Variants in CSMD1 observed in about 807,000 individuals in gnomAD.
CSMD1 encodes the protein CUB and sushi domain-containing protein 1.
A neutral mutation model predicts 417.5 loss-of-function variants in CSMD1; 213 were observed. The ratio of observed to expected loss-of-function variants is 0.51; its 90% CI spans 0.46 to 0.57. CSMD1 has a LOEUF of 0.57. Ranked by LOEUF, CSMD1 falls within the 20% of genes least tolerant of loss-of-function variation. The pLI is 0.00. For synonymous variants in CSMD1, 2,862 were observed against 1,736.8 expected (o/e 1.65, Z -16.11); for missense variants, 6,923 against 4,529.7 (o/e 1.53, Z -15.17).
At chr8:4,752,615 G>A (rs1051750854) in intron 1 of CSMD1, among the ~76,000 whole-genome samples, 1 of 152,138 alleles carries the variant, frequency 6.6e-6, no homozygotes, top group African/African-American at 2.4e-5. Flanking sequence ...AAATGTAGGG[G>A]AGCAAGAGAG....
intron 1 of CSMD1, among the ~76,000 whole-genome samples, chr8:4,730,203 C>T (rs544930137): frequency 1.3e-5 from 2 of 151,610 alleles, no homozygotes; most frequent in Non-Finnish European, 2.9e-5. Flanking sequence ...AAGAGGGAGA[C>T]AGAAGAAAAC....
At chr8:4,317,204 T>G (rs1042958263) in intron 3 of CSMD1, among the ~76,000 whole-genome samples, 4 of 152,188 alleles carry the variant, frequency 2.6e-5, no homozygotes, top group Admixed American at 1.3e-4. Flanking sequence ...TGGGTTATAT[T>G]TTATTTACAT....
At chr8:4,065,967 T>A (rs892230629) in intron 3 of CSMD1, among the ~76,000 whole-genome samples, 3 of 152,132 alleles carry the variant, frequency 2.0e-5, no homozygotes, top group East Asian at 1.9e-4. Flanking sequence ...TTCGTCCAAT[T>A]TGGGTGAAAA....
At chr8:3,384,700 TTATA>T (rs1163035618) in intron 18 of CSMD1, among the ~76,000 whole-genome samples, 2 of 108,398 alleles carry the variant, frequency 1.8e-5, no homozygotes, top group African/African-American at 7.6e-5. Flanking sequence ...TTTATATAAA[TTATA>T]TATAAATATA....
chr8:4,186,433 A>T (rs1798679907), intron 3 of CSMD1, among the ~76,000 whole-genome samples: 1 of 152,190 alleles, frequency 6.6e-6, no homozygotes, highest in Non-Finnish European at 1.5e-5. Context: ...GTAAGTTTAC[A>T]GAGCCCAGGT....
intron 1 of CSMD1, among the ~76,000 whole-genome samples, chr8:4,704,791 C>T (rs915340768): frequency 6.6e-6 from 1 of 152,156 alleles, no homozygotes; most frequent in Non-Finnish European, 1.5e-5. Flanking sequence ...GGCAGTTGTC[C>T]TAACCAGCCT....
chr8:4,683,621 G>A (rs552577191), intron 1 of CSMD1, among the ~76,000 whole-genome samples: 33 of 152,318 alleles, frequency 2.2e-4, no homozygotes, highest in Non-Finnish European at 4.1e-4. Context: ...TTGAGGAAAT[G>A]ACGAGGAACC....
chr8:4,358,600 G>C (rs1050920284), intron 3 of CSMD1, among the ~76,000 whole-genome samples: 2 of 152,162 alleles, frequency 1.3e-5, no homozygotes, highest in Non-Finnish European at 2.9e-5. Context: ...TGTGCTGAAA[G>C]TAATAGTCTA....
chr8:4,388,054 GTCCACCT>G (rs1456241096), intron 3 of CSMD1, among the ~76,000 whole-genome samples: 1 of 152,080 alleles, frequency 6.6e-6, no homozygotes, highest in African/African-American at 2.4e-5. Context: ...ATGAATGAAT[GTCCACCT>G]CATTTGGACT....
At chr8:3,147,715 G>A (rs911333071) in intron 40 of CSMD1, among the ~76,000 whole-genome samples, 2 of 152,294 alleles carry the variant, frequency 1.3e-5, no homozygotes, top group African/African-American at 2.4e-5. Flanking sequence ...TAGGGTCTAA[G>A]GCAATCAAGT....
intron 7 of CSMD1, among the ~76,000 whole-genome samples, 172 bp from the exon 8 acceptor site, chr8:3,616,969 G>A (rs368947918): frequency 1.5e-5 from 2 of 133,092 alleles, no homozygotes; most frequent in African/African-American, 5.5e-5. Context: ...ATTCTGATTG[G>A]TGAAAATCAA....
intron 26 of CSMD1, among the ~76,000 whole-genome samples, chr8:3,277,064 G>A (rs751915182): frequency 1.3e-4 from 20 of 152,206 alleles, no homozygotes; most frequent in South Asian, 1.0e-3. Context: ...GCAACAAGGC[G>A]GGGAAGGTCA....
chr8:3,123,071 T>C lies in CSMD1; in HGVS notation c.6242-4484A>G, dbSNP rs371281324. Among the ~76,000 whole-genome samples the C allele has an allele frequency of 2.2e-3, 333 of 152,322 alleles. 9 individuals carry two copies. The South Asian group carries it at 0.03, about 14-fold the overall frequency. On this transcript the variant is annotated intron_variant, in intron 41 of 69. Coordinates refer to ENST00000635120, the MANE Select transcript of CSMD1 (RefSeq NM_033225.6). Reference sequence around the variant, plus strand: ...ACAGTGGCGTGTCCCTCATGATTGATTGTTTTTGTTGTTATCACCTATTTG... The same window carrying C: ...ACAGTGGCGTGTCCCTCATGATTGACTGTTTTTGTTGTTATCACCTATTTG...
At chr8:4,323,292 T>C (rs568368199) in intron 3 of CSMD1, among the ~76,000 whole-genome samples, 3 of 152,288 alleles carry the variant, frequency 2.0e-5, no homozygotes, top group South Asian at 4.1e-4. Context: ...AACAGACTTA[T>C]TTCACACAGT....
chr8:3,106,242 CA>C (rs1256414495), intron 46 of CSMD1, among the ~76,000 whole-genome samples: 1 of 131,040 alleles, frequency 7.6e-6, no homozygotes, highest in Non-Finnish European at 1.7e-5. Context: ...AAAAAAAATC[CA>C]AAAATTAGCC....
At chr8:3,943,633 G>A (rs1811037264) in intron 5 of CSMD1, among the ~76,000 whole-genome samples, 1 of 152,048 alleles carries the variant, frequency 6.6e-6, no homozygotes, top group African/African-American at 2.4e-5. Flanking sequence ...AGAGATCAAA[G>A]TTACTATCAC....
intron 5 of CSMD1, among the ~76,000 whole-genome samples, chr8:3,771,020 G>C (rs982361296): frequency 2.0e-5 from 3 of 151,414 alleles, no homozygotes; most frequent in Non-Finnish European, 2.9e-5. Context: ...CAGTGTGTCT[G>C]TGTGTGTGTC....
At chr8:3,840,428 A>G (rs557998714) in intron 5 of CSMD1, among the ~76,000 whole-genome samples, 93 of 152,298 alleles carry the variant, frequency 6.1e-4, no homozygotes, top group African/African-American at 2.0e-3. Context: ...ACTTTATTTT[A>G]TTGTGTTAGT....
chr8:3,743,301 A>C (rs1796905799), intron 6 of CSMD1, among the ~76,000 whole-genome samples: 1 of 152,200 alleles, frequency 6.6e-6, no homozygotes, highest in Non-Finnish European at 1.5e-5. Flanking sequence ...CTCTCTGGAG[A>C]TGGCTTTCCT....
Sources: gnomAD v4.1 joint callset for allele counts (sites outside exome capture counted in the v4.1 genomes callset) on GRCh38, gnomAD v4.1.1 for gene constraint, MANE v1.5 for transcripts, NCBI Gene and HGNC (gene_info 2026-07-23, HGNC 2026-07-21) for gene names.